The following LMCD1 variants were observed in gnomAD, a reference collection of about 807,000 sequenced individuals.
LMCD1 encodes the protein LIM and cysteine-rich domains protein 1.
Under a neutral mutation model 42.7 loss-of-function variants are expected in LMCD1, and 32 were observed. The observed-to-expected ratio is 0.75, with a 90% CI of 0.57 to 1.01. The LOEUF is 1.01. Ranked by LOEUF, LMCD1 falls within the 50% of genes least tolerant of loss-of-function variation. The pLI is 0.00. For synonymous variants in LMCD1, 178 were observed against 184.9 expected, an observed-to-expected ratio of 0.96 and a Z score of 0.30; for missense variants, 458 against 483.1, an observed-to-expected ratio of 0.95 and a Z score of 0.49.
intron 1 of LMCD1, among the ~76,000 whole-genome samples, chr3:8,504,474 C>G (rs1379782909): frequency 1.3e-5 from 2 of 152,188 alleles, no homozygotes; most frequent in Non-Finnish European, 2.9e-5. Flanking sequence ...TTTCCGCTTC[C>G]CTACCCCCGA....
intron 2 of LMCD1, among the ~76,000 whole-genome samples, chr3:8,534,097 C>T (rs1375330419): frequency 3.3e-5 from 5 of 151,772 alleles, no homozygotes; most frequent in African/African-American, 7.3e-5. Flanking sequence ...ATTTCAACCC[C>T]ACTGGTCCTG....
intron 3 of LMCD1, 164 bp downstream of exon 3, chr3:8,537,604 G>T: frequency 1.4e-6 from 1 of 740,446 alleles, no homozygotes; most frequent in Non-Finnish European, 2.1e-6. Flanking sequence ...GTGATGTTGA[G>T]AAATGAAGAC....
chr3:8,530,264 T>C (rs1694386927), intron 1 of LMCD1, among the ~76,000 whole-genome samples: 1 of 152,194 alleles, frequency 6.6e-6, no homozygotes, highest in African/African-American at 2.4e-5. Flanking sequence ...GCAACCCCAG[T>C]GCAAGCCAGT....
intron 1 of LMCD1, among the ~76,000 whole-genome samples, chr3:8,531,264 C>T (rs551094233): frequency 1.3e-5 from 2 of 152,284 alleles, no homozygotes; most frequent in Admixed American, 1.3e-4. Flanking sequence ...CCTTTTTTAC[C>T]TTGCACATTT....
At chr3:8,521,906 T>TC (rs1175410658) in intron 1 of LMCD1, among the ~76,000 whole-genome samples, 3 of 152,150 alleles carry the variant, frequency 2.0e-5, no homozygotes, top group African/African-American at 4.8e-5. Context: ...TTGTTTTTTT[T>TC]CAAGATGGAT....
rs1491354239 is a variant in LMCD1 at position 8,502,304 on chromosome 3, A to ATT, written c.42+324_42+325insTT. The stretch of plus-strand genomic sequence containing the variant: ...AATATATATAATATATATTATATAT[A>ATT]ATATATAAAATATATATTATATATA... On this transcript the variant is annotated intron_variant, in intron 1 of 5. Transcript: ENST00000157600. Among the ~76,000 whole-genome samples the ATT allele has an allele frequency of 6.6e-3, 82 of 12,360 alleles. 6 individuals are homozygous for ATT. The highest frequency in any genetic ancestry group is 0.026 in the African/African-American group (77 of 3,014). 8.1% of individuals were successfully genotyped at this position (12,360 alleles called of 152,430 possible).
intron 1 of LMCD1, among the ~76,000 whole-genome samples, chr3:8,526,335 T>C (rs1425225337): frequency 2.0e-5 from 3 of 152,220 alleles, no homozygotes; most frequent in Non-Finnish European, 4.4e-5. Context: ...AATGTGGATC[T>C]GGAATTCAGA....
rs1207033659 is a variant in LMCD1, at chr3:8,532,823, G to C, written c.129G>C (p.Trp43Cys). The change falls in exon 2 of 6, where the codon TGG (tryptophan) becomes TGC (cysteine). Residue 43 changes from tryptophan (W) to cysteine (C), a missense_variant and splice_region_variant. Coordinates refer to ENST00000157600, the MANE Select transcript of LMCD1 (RefSeq NM_014583.4). ...GTCSGFEPHS[W>C]RKICKSCKCS... ...GTTCGGGCTTCGAGCCACATTCATG[G>C]AGGTAACAGATTTTGTCAGGAGGGT... is the stretch of plus-strand genomic sequence containing the variant. The C allele has an allele frequency of 1.2e-6, 2 of 1,613,250 alleles. No individual in the cohort carries two copies.
intron 1 of LMCD1, among the ~76,000 whole-genome samples, chr3:8,505,784 G>A (rs1284061802): frequency 6.6e-6 from 1 of 152,208 alleles, no homozygotes; most frequent in East Asian, 1.9e-4. Context: ...TTCAGGCTAG[G>A]CCTTCCCTCT....
intron 4 of LMCD1, chr3:8,550,637 A>G (rs1319825228): frequency 7.1e-6 from 7 of 984,988 alleles, no homozygotes; most frequent in Non-Finnish European, 8.4e-6. Context: ...AGTGACGCAT[A>G]AAAGGCCCAT....
At chr3:8,565,719 A>G in intron 5 of LMCD1, 72 bp downstream of exon 5, 1 of 1,383,630 alleles carries the variant, frequency 7.2e-7, no homozygotes, top group Admixed American at 2.0e-5. Flanking sequence ...AGAGGCCAAG[A>G]GGAGCATGGC....
Position 8,537,266 on chromosome 3 carries a change from C to T in LMCD1, c.213C>T (p.Arg71=). 6.2e-7 allele frequency: 1 copy of T among 1,614,144 alleles called. No individual in the cohort carries two copies. The highest frequency in any genetic ancestry group is 8.5e-7 in the Non-Finnish European group (1 of 1,180,018). ...SDLEDDRKIG[R]LLMDSKYSTL... ...TAGAAGACGATCGGAAAATTGGCCGCTTGCTGATGGACTCCAAGTATTCCA... is the reference window on the plus strand; with the variant it reads ...TAGAAGACGATCGGAAAATTGGCCGTTTGCTGATGGACTCCAAGTATTCCA... Residue 71 remains arginine, a synonymous_variant, in exon 3 of 6, where the codon CGC becomes CGT. Coordinates refer to ENST00000157600, the MANE Select transcript of LMCD1 (RefSeq NM_014583.4).
At chr3:8,554,677 T>C (rs2125035652) in intron 4 of LMCD1, among the ~76,000 whole-genome samples, 1 of 152,312 alleles carries the variant, frequency 6.6e-6, no homozygotes, top group East Asian at 1.9e-4. Context: ...CCCACCTGGA[T>C]GGAACTGATG....
At position 8,537,320 on chromosome 3, in the gene LMCD1, C is replaced by G. The variant is rs200446111; in HGVS notation, c.267C>G (p.Asp89Glu). ...TCACTGCTCGGGTGAAAGGCGGGGA[C>G]GGCATCCGGATTTACAAGAGGAACC... ...STLTARVKGG[D>E]GIRIYKRNRM... is the part of the protein sequence containing the mutation. The change falls in exon 3 of 6, where the codon GAC becomes GAG. Residue 89 changes from aspartate to glutamate, a missense_variant. Asp to Glu is a conservative substitution (Grantham distance 45). Transcript: ENST00000157600. 6.2e-7 allele frequency: 1 copy of G among 1,614,122 alleles called. No homozygotes were observed. Among genetic ancestry groups the G allele is most frequent in the Non-Finnish European group, 8.5e-7 (1 of 1,180,024 alleles).
At chr3:8,504,980 C>T (rs992985546) in intron 1 of LMCD1, among the ~76,000 whole-genome samples, 2 of 152,228 alleles carry the variant, frequency 1.3e-5, no homozygotes, top group Non-Finnish European at 2.9e-5. Context: ...AACTTTGAGT[C>T]AGTATCCTCA....
chr3:8,555,343 C>T (rs1035669779), intron 4 of LMCD1, among the ~76,000 whole-genome samples: 5 of 152,214 alleles, frequency 3.3e-5, no homozygotes, highest in Non-Finnish European at 2.9e-5. Context: ...GGCAGGCTGG[C>T]TGGCTTTCCT....
chr3:8,567,011 T>C (rs1359284393), intron 5 of LMCD1, among the ~76,000 whole-genome samples: 1 of 152,230 alleles, frequency 6.6e-6, no homozygotes, highest in Non-Finnish European at 1.5e-5. Context: ...CCTCAGGGGA[T>C]CCTTACAATA....
At chr3:8,547,873 G>A (rs572792418) in intron 3 of LMCD1, among the ~76,000 whole-genome samples, 5 of 151,072 alleles carry the variant, frequency 3.3e-5, no homozygotes, top group East Asian at 1.9e-4. Context: ...GCAACAGAGC[G>A]AGACTCCATC....
At chr3:8,519,919 A>T (rs1694170541) in intron 1 of LMCD1, among the ~76,000 whole-genome samples, 1 of 143,442 alleles carries the variant, frequency 7.0e-6, no homozygotes, top group Non-Finnish European at 1.5e-5. Flanking sequence ...TGTGTGTGTG[A>T]GAGAGAGTGT....
Sources: gnomAD v4.1 joint callset for allele counts (sites outside exome capture counted in the v4.1 genomes callset) on GRCh38, gnomAD v4.1.1 for gene constraint, MANE v1.5 for transcripts, NCBI Gene and HGNC (gene_info 2026-07-23, HGNC 2026-07-21) for gene names.